TRMT11: variants seen among roughly 807,000 people sequenced by gnomAD.
TRMT11 encodes tRNA (guanine(10)-N(2))-methyltransferase TRMT11.
Under a neutral mutation model 62.8 loss-of-function variants are expected in TRMT11, and 53 were observed. The observed-to-expected ratio is 0.84, with a 90% CI of 0.68 to 1.06. TRMT11 has a LOEUF of 1.06. Among genes scored for constraint, TRMT11 ranks in the 50% least tolerant of loss-of-function variants. The pLI is 0.00. For missense variants in TRMT11, 556 were observed against 553.4 expected (o/e 1.00, Z -0.05); for synonymous variants, 188 against 190.3 (o/e 0.99, Z 0.10).
the TRMT11 span, among the ~76,000 whole-genome samples, chr6:126,225,083 G>A: frequency 6.6e-6 from 1 of 152,172 alleles, no homozygotes; most frequent in African/African-American, 2.4e-5. Context: ...GTTTTGTTCT[G>A]TTCAGGTCTG....
chr6:126,006,715 A>G (rs1352575024), intron 7 of TRMT11: 13 of 151,888 alleles, frequency 8.6e-5, no homozygotes. Context: ...GATGACTACC[A>G]ATGATTACCC....
At chr6:125,988,848 A>T (rs1282919258) in intron 1 of TRMT11, among the ~76,000 whole-genome samples, 1 of 152,210 alleles carries the variant, frequency 6.6e-6, no homozygotes, top group Non-Finnish European at 1.5e-5. Context: ...ATGAAGGAAG[A>T]TTGTGGCATT....
chr6:126,138,833 G>C (rs1777881987), intron 21 of TRMT11, among the ~76,000 whole-genome samples: 1 of 151,924 alleles, frequency 6.6e-6, no homozygotes, highest in Admixed American at 6.6e-5. Context: ...CCAAATTAAT[G>C]GACTGTTTAT....
chr6:126,261,642 G>A, the TRMT11 span, among the ~76,000 whole-genome samples: 5 of 152,138 alleles, frequency 3.3e-5, no homozygotes, highest in Non-Finnish European at 5.9e-5. Flanking sequence ...ACGGTGCATT[G>A]ACTTTGGTTT....
chr6:126,076,298 A>G (rs1235485542), intron 17 of TRMT11, among the ~76,000 whole-genome samples: 1 of 152,190 alleles, frequency 6.6e-6, no homozygotes, highest in Non-Finnish European at 1.5e-5. Context: ...ACCAGAGATC[A>G]TTGTAGGACA....
At chr6:126,010,277 G>A (rs552452828) in intron 8 of TRMT11, among the ~76,000 whole-genome samples, 22 of 152,122 alleles carry the variant, frequency 1.4e-4, no homozygotes, top group African/African-American at 5.1e-4. Flanking sequence ...TTCCTTGACA[G>A]TGGTCTTGGC....
At chr6:126,005,196 G>A (rs986081704) in intron 7 of TRMT11, among the ~76,000 whole-genome samples, 1 of 152,080 alleles carries the variant, frequency 6.6e-6, no homozygotes, top group Non-Finnish European at 1.5e-5. Flanking sequence ...TATTAACAGA[G>A]TGTGTAGCTT....
rs1210546138 is a variant in TRMT11 at position 126,100,316 on chromosome 6, G to A, written c.*1438-12550G>A. 4.6e-5 allele frequency among the ~76,000 whole-genome samples: 7 copies of A among 152,100 alleles called. 1 individual carries two copies. In the South Asian group the frequency reaches 8.3e-4, roughly 18 times the overall value. On this transcript the variant is annotated intron_variant and NMD_transcript_variant, in intron 17 of 22. Transcript: ENST00000648977. ...CTATGAGATTATGATTTGCTGTGTCGTGTCTAGTCACAATGCTGAGATTTC... is the reference window on the plus strand; with the variant it reads ...CTATGAGATTATGATTTGCTGTGTCATGTCTAGTCACAATGCTGAGATTTC...
chr6:126,110,967 A>T, intron 17 of TRMT11, among the ~76,000 whole-genome samples: 1 of 152,152 alleles, frequency 6.6e-6, no homozygotes. Context: ...TGAATAATGC[A>T]TTTTCAGAAA....
At chr6:126,019,021 C>T (rs1464734802) in intron 11 of TRMT11, among the ~76,000 whole-genome samples, 6 of 152,086 alleles carry the variant, frequency 3.9e-5, no homozygotes, top group Admixed American at 2.6e-4. Flanking sequence ...GCTGGGATTA[C>T]AGGCATGTGC....
Position 126,061,858 on chromosome 6 carries a change from G to A in TRMT11, c.*1437+8668G>A, listed in dbSNP as rs995038070. ...ATCCTGCCCAAGACCTGGCTCTTCA[G>A]CTTTTCCTTTATGCTAGCCTATATC... On this transcript the variant is annotated intron_variant and NMD_transcript_variant, in intron 17 of 22. Coordinates refer to the TRMT11 transcript ENST00000648977. Among the ~76,000 whole-genome samples, 6 of 152,064 alleles carry A rather than the reference G, an allele frequency of 3.9e-5. No individual in the cohort carries two copies. The South Asian group carries it at 1.2e-3, about 32-fold the overall frequency.
chr6:126,094,688 A>G (rs375701117), intron 17 of TRMT11, among the ~76,000 whole-genome samples: 11 of 152,328 alleles, frequency 7.2e-5, no homozygotes, highest in African/African-American at 2.4e-4. Flanking sequence ...AAGCAAGACA[A>G]TGGTTCCTTT....
intron 21 of TRMT11, among the ~76,000 whole-genome samples, chr6:126,136,861 G>A (rs1047013211): frequency 6.6e-6 from 1 of 151,198 alleles, no homozygotes; most frequent in South Asian, 2.1e-4. Flanking sequence ...TTTGACAAAG[G>A]CACCAAGAAT....
intron 21 of TRMT11, among the ~76,000 whole-genome samples, chr6:126,144,867 T>A (rs944154442): frequency 2.0e-5 from 3 of 152,236 alleles, no homozygotes; most frequent in African/African-American, 7.2e-5. Context: ...ATTTTCAAGA[T>A]TTTTAAACAG....
At chr6:126,137,709 A>G (rs1260994086) in intron 21 of TRMT11, among the ~76,000 whole-genome samples, 2 of 151,978 alleles carry the variant, frequency 1.3e-5, no homozygotes, top group Non-Finnish European at 2.9e-5. Flanking sequence ...CAAGATATGG[A>G]ATCAACCTAA....
At chr6:125,998,337 A>G (rs753244715) in intron 5 of TRMT11, 22 bp downstream of exon 5, 2 of 1,492,016 alleles carry the variant, frequency 1.3e-6, no homozygotes, top group Non-Finnish European at 1.9e-6. Flanking sequence ...TAGCAAAACA[A>G]AAAACCTACA....
chr6:126,245,119 G>T, the TRMT11 span, among the ~76,000 whole-genome samples: 3 of 151,994 alleles, frequency 2.0e-5, no homozygotes, highest in Non-Finnish European at 2.9e-5. Flanking sequence ...TTTAAGAAAG[G>T]CTTTATGTTT....
intron 8 of TRMT11, 51 bp downstream of exon 8, chr6:126,008,523 T>C (rs1285950211): frequency 2.7e-6 from 4 of 1,469,740 alleles, no homozygotes; most frequent in Admixed American, 3.3e-5. Context: ...GTGCCAAATG[T>C]ACCTTTAAAC....
intron 17 of TRMT11, among the ~76,000 whole-genome samples, chr6:126,085,255 C>A (rs1777201044): frequency 6.6e-6 from 1 of 152,062 alleles, no homozygotes. Context: ...AAATTATTCC[C>A]CTAAAAATGT....
Sources: allele counts gnomAD v4.1 joint callset (sites outside exome capture counted in the v4.1 genomes callset), GRCh38; gene constraint gnomAD v4.1.1; transcripts MANE v1.5; gene names NCBI Gene and HGNC (gene_info 2026-07-23, HGNC 2026-07-21).